The following ITGA2B variants were observed in gnomAD, a reference collection of about 807,000 sequenced individuals.
ITGA2B encodes the protein integrin alpha-IIb.
Under a neutral mutation model 142.0 loss-of-function variants are expected in ITGA2B, and 91 were observed. The observed-to-expected ratio is 0.64, with a 90% CI of 0.54 to 0.76. ITGA2B has a LOEUF of 0.76. ITGA2B is among the 30% of genes least tolerant of loss of function. ITGA2B has a pLI of 0.00. For missense variants in ITGA2B, 1,231 were observed against 1,350.8 expected (o/e 0.91, Z 1.39); for synonymous variants, 536 against 567.2 (o/e 0.94, Z 0.78).
At chr17:44,378,339 T>C (rs746637780) in intron 20 of ITGA2B, 23 bp downstream of exon 20, 2 of 1,603,106 alleles carry the variant, frequency 1.2e-6, no homozygotes, top group Admixed American at 1.7e-5. Context: ...TCCCGGGTAC[T>C]GTTCCCAGGG....
At chr17:44,388,519 G>A (rs1449105609) in intron 1 of ITGA2B, among the ~76,000 whole-genome samples, 1 of 149,888 alleles carries the variant, frequency 6.7e-6, no homozygotes, top group Non-Finnish European at 1.5e-5. Flanking sequence ...ACCACGCCCG[G>A]CTAATTTTTT....
intron 1 of ITGA2B, among the ~76,000 whole-genome samples, chr17:44,387,819 C>T (rs1245878660): frequency 7.7e-6 from 1 of 129,596 alleles, no homozygotes; most frequent in Admixed American, 7.9e-5. Flanking sequence ...AGAGCGAAAC[C>T]CCATCTCAAA....
At chr17:44,374,587 T>C in intron 28 of ITGA2B, 72 bp downstream of exon 28, 1 of 1,542,176 alleles carries the variant, frequency 6.5e-7, no homozygotes, top group Non-Finnish European at 9.0e-7. Context: ...CCTCAGACTT[T>C]TCTGGCTGGG....
intron 12 of ITGA2B, 125 bp downstream of exon 12, chr17:44,383,368 G>T: frequency 1.2e-6 from 1 of 863,816 alleles, no homozygotes; most frequent in Non-Finnish European, 1.9e-6. Flanking sequence ...AGCACCCCAT[G>T]TGTCTAAGCC....
rs552645561 is a variant in ITGA2B at position 44,386,003 on chromosome 17, G to T, written c.310+7C>A. The T allele has an allele frequency of 1.9e-6, 3 of 1,613,968 alleles. No individual in the cohort carries two copies. The highest frequency in any genetic ancestry group is 2.2e-5 in the East Asian group (1 of 44,882). On this transcript the variant is annotated splice_region_variant and intron_variant, in intron 2 of 29. Coordinates refer to ENST00000262407, the MANE Select transcript of ITGA2B (RefSeq NM_000419.5). The stretch of plus-strand genomic sequence containing the variant: ...CCCCAACCTTGCTCTCCTTGCCTGG[G>T]ACTCACGGAGGTCAAAGAGCAGCGA...
Position 44,380,906 on chromosome 17 carries a change from C to T in ITGA2B, c.1366G>A (p.Val456Ile), listed in dbSNP as rs142111372. The T allele has an allele frequency of 4.3e-5, 70 of 1,614,222 alleles. 1 individual carries two copies. In the East Asian group the frequency reaches 6.5e-4, roughly 15 times the overall value. The stretch of plus-strand genomic sequence containing the variant: ...GGGTATCCGTTGTCATCGATGTCTA[C>T]GGCACCTCGAAGGGAGAAGCCAAAG... Reference protein sequence around the residue: ...SAFGFSLRGAVDIDDNGYPDL... With the variant: ...SAFGFSLRGAIDIDDNGYPDL... Residue 456 changes from valine (V) to isoleucine (I), a missense_variant, in exon 13 of 30, where the codon GTA (valine) becomes ATA (isoleucine). Coordinates refer to ENST00000262407, the MANE Select transcript of ITGA2B (RefSeq NM_000419.5).
intron 22 of ITGA2B, 77 bp from the exon 23 acceptor site, chr17:44,376,465 T>TTA: frequency 7.5e-7 from 1 of 1,340,434 alleles, no homozygotes; most frequent in Non-Finnish European, 1.1e-6. Context: ...GCCAGAATTT[T>TTA]AGAGAGTTCA....
At chr17:44,381,797 T>C (rs1036979232) in intron 12 of ITGA2B, among the ~76,000 whole-genome samples, 3 of 151,962 alleles carry the variant, frequency 2.0e-5, no homozygotes, top group Non-Finnish European at 4.4e-5. Flanking sequence ...CAGCTAATTT[T>C]TAAAAATTTT....
intron 12 of ITGA2B, among the ~76,000 whole-genome samples, chr17:44,381,784 G>A (rs540892984): frequency 8.6e-5 from 13 of 152,002 alleles, no homozygotes; most frequent in South Asian, 4.2e-4. Flanking sequence ...TAGCCACCAT[G>A]CCCAGCTAAT....
chr17:44,384,240 G>T, intron 9 of ITGA2B, 71 bp downstream of exon 9: 1 of 1,554,192 alleles, frequency 6.4e-7, no homozygotes. Flanking sequence ...GGGGGTGGGG[G>T]GCGCTCAGGA....
At chr17:44,382,401 C>G (rs986139085) in intron 12 of ITGA2B, among the ~76,000 whole-genome samples, 2 of 152,040 alleles carry the variant, frequency 1.3e-5, no homozygotes, top group African/African-American at 2.4e-5. Flanking sequence ...TCCATTCATA[C>G]CTTACCCCAT....
chr17:44,384,666 GC>G (rs2048627972), intron 7 of ITGA2B, 81 bp from the exon 8 acceptor site: 1 of 1,501,388 alleles, frequency 6.7e-7, no homozygotes, highest in East Asian at 2.3e-5. Context: ...GGAGATTAAG[GC>G]CACTCAGCCC....
chr17:44,377,940 T>C, intron 20 of ITGA2B, 150 bp from the exon 21 acceptor site: 1 of 663,558 alleles, frequency 1.5e-6, no homozygotes, highest in East Asian at 2.7e-5. Flanking sequence ...CATGCTAGTG[T>C]GTGTATTGCT....
At chr17:44,374,131 CT>C in intron 29 of ITGA2B, 1 of 554,616 alleles carries the variant, frequency 1.8e-6, no homozygotes, top group Non-Finnish European at 3.3e-6. Flanking sequence ...GTCTCGAACT[CT>C]TGACCTCAGG....
chr17:44,379,155 T>C (rs186750792), intron 18 of ITGA2B, among the ~76,000 whole-genome samples: 184 of 150,442 alleles, frequency 1.2e-3, no homozygotes, highest in East Asian at 7.9e-3. Flanking sequence ...GGGGTTTCAC[T>C]GTGTTAGCCA....
In ITGA2B at chr17:44,376,296, C is replaced by T; in HGVS notation, c.2348+12G>A. 6.2e-7 allele frequency: 1 copy of T among 1,614,168 alleles called. No individual in the cohort carries two copies. The highest frequency in any genetic ancestry group is 2.2e-5 in the East Asian group (1 of 44,874). On this transcript the variant is annotated intron_variant, in intron 23 of 29. Transcript: ENST00000262407. ...TGAATGCCATCTCCCTTCTCCACCC[C>T]TGGCCTCTCACCCTCGCAGCTCCAC... is the stretch of plus-strand genomic sequence containing the variant.
intron 22 of ITGA2B, 28 bp from the exon 23 acceptor site, chr17:44,376,416 G>A (rs1208610101): frequency 3.7e-6 from 6 of 1,610,648 alleles, no homozygotes; most frequent in Non-Finnish European, 4.2e-6. Context: ...AGGAGAAACA[G>A]GGCCAGGGAC....
chr17:44,374,647 C>A lies in ITGA2B; in HGVS notation c.2943+12G>T, dbSNP rs769022071. 2.5e-6 allele frequency: 4 copies of A among 1,610,092 alleles called. No individual in the cohort carries two copies. In the South Asian group the frequency reaches 4.4e-5, roughly 18 times the overall value. ...TGCAGGACTGGTCTCTGCTCCATCC[C>A]CCCACACTCACCTGAGCTTCCCCTC... On this transcript the variant is annotated intron_variant, in intron 28 of 29. Coordinates refer to ENST00000262407, the MANE Select transcript of ITGA2B (RefSeq NM_000419.5).
intron 21 of ITGA2B, among the ~76,000 whole-genome samples, chr17:44,377,351 A>G (rs748360268): frequency 1.5e-4 from 22 of 151,610 alleles, no homozygotes; most frequent in Admixed American, 5.3e-4. Context: ...GTGCGCCACC[A>G]TGCCCGGGTA....
Sources: gnomAD v4.1 joint callset for allele counts (sites outside exome capture counted in the v4.1 genomes callset) on GRCh38, gnomAD v4.1.1 for gene constraint, MANE v1.5 for transcripts, NCBI Gene and HGNC (gene_info 2026-07-23, HGNC 2026-07-21) for gene names.